Variants in PCDH15 observed in about 807,000 individuals in gnomAD.
PCDH15 encodes protocadherin-15.
Under a neutral mutation model 178.5 loss-of-function variants are expected in PCDH15, and 129 were observed. The ratio of observed to expected loss-of-function variants is 0.72; its 90% confidence interval spans 0.63 to 0.84. The LOEUF is 0.84. Among genes scored for constraint, PCDH15 ranks in the 40% least tolerant of loss-of-function variants. The probability of loss-of-function intolerance (pLI) is 0.00; values close to 1 mark genes in which losing one functional copy is unlikely to be tolerated. For synonymous variants in PCDH15, 800 were observed against 732.0 expected, an observed-to-expected ratio of 1.09 and a Z score of -1.50; for missense variants, 2,230 against 2,099.9, an observed-to-expected ratio of 1.06 and a Z score of -1.21.
Position 54,159,245 on chromosome 10 carries a change from CA to C in PCDH15, c.1591-5953del, listed in dbSNP as rs539822920. 4.2e-3 allele frequency among the ~76,000 whole-genome samples: 639 copies of C among 152,048 alleles called. 2 individuals are homozygous for C. The highest frequency in any genetic ancestry group is 6.9e-3 in the Non-Finnish European group (471 of 67,964). ...TTATTTTCCTTTGGGGAGCAATTGG[CA>C]AAAAAACATGTCAAGTTATTCAAGT... is the stretch of plus-strand genomic sequence containing the variant. On this transcript the variant is annotated intron_variant, in intron 13 of 37. Coordinates refer to ENST00000644397, the MANE Select transcript of PCDH15 (RefSeq NM_001384140.1).
intron 3 of PCDH15, among the ~76,000 whole-genome samples, chr10:54,896,122 T>C (rs1369197768): frequency 6.6e-6 from 1 of 152,096 alleles, no homozygotes; most frequent in Non-Finnish European, 1.5e-5. Context: ...CCTGACCTTG[T>C]GATCCACCCA....
At chr10:55,626,159 G>GAATAAATAAATA (rs751870281) in intron 2 of PCDH15, among the ~76,000 whole-genome samples, 102 of 151,140 alleles carry the variant, frequency 6.7e-4, no homozygotes, top group African/African-American at 2.4e-3. Context: ...GAGAGAGAGA[G>GAATAAATAAATA]AATAAATAAA....
intron 8 of PCDH15, among the ~76,000 whole-genome samples, chr10:54,279,459 A>G (rs997066): frequency 0.6 from 91,170 of 151,442 alleles, 28,525 homozygotes; most frequent in Middle Eastern, 0.79. Context: ...CTTCAAAAAA[A>G]TGTTCGCTGT....
At chr10:54,918,780 T>G (rs770791254) in intron 2 of PCDH15, among the ~76,000 whole-genome samples, 9 of 152,310 alleles carry the variant, frequency 5.9e-5, no homozygotes, top group East Asian at 1.9e-4. Flanking sequence ...AGCAGTCACC[T>G]TTTCAAATAC....
intron 3 of PCDH15, among the ~76,000 whole-genome samples, chr10:54,421,342 A>T (rs1370177227): frequency 1.3e-5 from 2 of 151,664 alleles, no homozygotes; most frequent in African/African-American, 2.4e-5. Context: ...TTACTAGAAC[A>T]TGAAATCAAT....
At chr10:54,921,499 G>A (rs983684839) in intron 2 of PCDH15, among the ~76,000 whole-genome samples, 1 of 151,552 alleles carries the variant, frequency 6.6e-6, no homozygotes, top group Non-Finnish European at 1.5e-5. Context: ...CCTTTCTCTG[G>A]TAGGACCAAG....
intron 9 of PCDH15, 64 bp downstream of exon 9, chr10:54,236,759 G>T: frequency 7.9e-7 from 1 of 1,262,372 alleles, no homozygotes; most frequent in Non-Finnish European, 1.2e-6. Context: ...CCTTGGAATT[G>T]AGAGAATTTG....
At chr10:54,033,311 T>C (rs2135441088) in intron 18 of PCDH15, among the ~76,000 whole-genome samples, 1 of 152,078 alleles carries the variant, frequency 6.6e-6, no homozygotes, top group Non-Finnish European at 1.5e-5. Context: ...AGAACCCTTA[T>C]AAATTTGTAC....
At chr10:54,457,202 A>G (rs2076881306) in intron 3 of PCDH15, among the ~76,000 whole-genome samples, 1 of 152,186 alleles carries the variant, frequency 6.6e-6, no homozygotes, top group South Asian at 2.1e-4. Flanking sequence ...AAAAGTATCT[A>G]TTGTAGATGA....
chr10:53,917,202 A>G (rs2083598953), intron 25 of PCDH15, among the ~76,000 whole-genome samples: 2 of 152,166 alleles, frequency 1.3e-5, no homozygotes, highest in Non-Finnish European at 2.9e-5. Flanking sequence ...ATTTATTTCA[A>G]AAGCTGAGAG....
At chr10:54,527,486 G>C (rs901181090) in intron 3 of PCDH15, among the ~76,000 whole-genome samples, 6 of 152,092 alleles carry the variant, frequency 3.9e-5, no homozygotes, top group Non-Finnish European at 7.4e-5. Flanking sequence ...GGAGGAATAC[G>C]TTGTGTTTCT....
At chr10:55,215,988 G>T (rs749595302) in intron 1 of PCDH15, among the ~76,000 whole-genome samples, 2 of 151,836 alleles carry the variant, frequency 1.3e-5, no homozygotes, top group African/African-American at 2.4e-5. Context: ...ACAGACTCTG[G>T]CATTTGGTAG....
intron 19 of PCDH15, among the ~76,000 whole-genome samples, chr10:54,021,056 G>C (rs936270448): frequency 4.6e-5 from 7 of 151,942 alleles, no homozygotes; most frequent in African/African-American, 1.7e-4. Flanking sequence ...CACAATTACT[G>C]CCCTACAGGT....
chr10:55,462,060 G>T (rs1349655254), intron 2 of PCDH15, among the ~76,000 whole-genome samples: 1 of 151,972 alleles, frequency 6.6e-6, no homozygotes, highest in Non-Finnish European at 1.5e-5. Flanking sequence ...TGAGACAAGG[G>T]TAAATAGATA....
At chr10:54,851,032 C>T (rs1455050950) in intron 3 of PCDH15, among the ~76,000 whole-genome samples, 1 of 152,040 alleles carries the variant, frequency 6.6e-6, no homozygotes, top group Non-Finnish European at 1.5e-5. Flanking sequence ...CTGTGACTAG[C>T]GTTTTAGTTT....
intron 3 of PCDH15, among the ~76,000 whole-genome samples, chr10:54,857,452 ACT>A (rs1491359273): frequency 2.6e-5 from 4 of 151,984 alleles, no homozygotes; most frequent in African/African-American, 9.7e-5. Context: ...TGATTTAAAT[ACT>A]TTTTTTTGAC....
At chr10:54,021,336 G>A (rs1188286881) in intron 19 of PCDH15, among the ~76,000 whole-genome samples, 2 of 152,042 alleles carry the variant, frequency 1.3e-5, no homozygotes, top group East Asian at 3.9e-4. Flanking sequence ...CACCTCCTAT[G>A]GTGAACCTCA....
intron 26 of PCDH15, among the ~76,000 whole-genome samples, chr10:53,877,706 C>T (rs890895942): frequency 2.6e-5 from 4 of 152,094 alleles, no homozygotes; most frequent in African/African-American, 7.2e-5. Context: ...ATAGGAAGGG[C>T]AACACCATCT....
chr10:54,574,957 A>T (rs1008241186), intron 2 of PCDH15, among the ~76,000 whole-genome samples: 259 of 149,176 alleles, frequency 1.7e-3, no homozygotes, highest in Non-Finnish European at 2.6e-3. Flanking sequence ...ACACCATGGA[A>T]TACTATGCAG....
Sources: allele counts gnomAD v4.1 joint callset (sites outside exome capture counted in the v4.1 genomes callset), GRCh38; gene constraint gnomAD v4.1.1; transcripts MANE v1.5; gene names NCBI Gene and HGNC (gene_info 2026-07-23, HGNC 2026-07-21).